PSD2: variants seen among roughly 807,000 people sequenced by gnomAD.
PSD2 encodes the protein PH and SEC7 domain-containing protein 2.
PSD2 carries 38 observed loss-of-function variants against 69.8 expected under a neutral mutation model. The ratio of observed to expected loss-of-function variants is 0.54; its 90% CI spans 0.42 to 0.71. PSD2 has a LOEUF of 0.71. PSD2 is among the 30% of genes least tolerant of loss of function. The pLI is 0.00. For synonymous variants in PSD2, 412 were observed against 423.0 expected (o/e 0.97, Z 0.32); for missense variants, 943 against 1,014.5 (o/e 0.93, Z 0.96).
chr5:139,786,443 G>T, the PSD2 span, among the ~76,000 whole-genome samples: 267 of 152,306 alleles, frequency 1.8e-3, 2 homozygotes, highest in African/African-American at 6.3e-3. Context: ...ATGAGTTAGG[G>T]TCAAGAAAAG....
At chr5:139,759,958 G>T in the PSD2 span, among the ~76,000 whole-genome samples, 1 of 152,214 alleles carries the variant, frequency 6.6e-6, no homozygotes, top group Non-Finnish European at 1.5e-5. Context: ...TCAGAGAAAG[G>T]CCAGGCCTTG....
At chr5:139,824,015 G>A (rs1760342784) in intron 7 of PSD2, among the ~76,000 whole-genome samples, 1 of 152,236 alleles carries the variant, frequency 6.6e-6, no homozygotes, top group African/African-American at 2.4e-5. Context: ...GAACAAGAGA[G>A]AAGACGCATT....
At chr5:139,765,875 C>T in the PSD2 span, among the ~76,000 whole-genome samples, 1 of 151,232 alleles carries the variant, frequency 6.6e-6, no homozygotes, top group Non-Finnish European at 1.5e-5. Flanking sequence ...GGCGCGCGCC[C>T]TCTGGTGGCT....
At chr5:139,810,450 T>G (rs1312985088) in intron 2 of PSD2, among the ~76,000 whole-genome samples, 1 of 152,202 alleles carries the variant, frequency 6.6e-6, no homozygotes, top group Non-Finnish European at 1.5e-5. Flanking sequence ...GAAGTCTTAG[T>G]GTGCATAGCT....
At chr5:139,769,904 G>T in the PSD2 span, among the ~76,000 whole-genome samples, 1 of 152,248 alleles carries the variant, frequency 6.6e-6, no homozygotes, top group Non-Finnish European at 1.5e-5. Context: ...ACCAGGGCCT[G>T]CTTACCTTAA....
upstream of PSD2, among the ~76,000 whole-genome samples, chr5:139,794,990 G>T (rs1019981281): frequency 1.3e-5 from 2 of 152,128 alleles, no homozygotes; most frequent in Non-Finnish European, 2.9e-5. Flanking sequence ...CGTGGGACAG[G>T]TGCCTTGGGA....
chr5:139,834,300 T>G (rs1470242226), intron 8 of PSD2, among the ~76,000 whole-genome samples: 1 of 152,134 alleles, frequency 6.6e-6, no homozygotes, highest in Non-Finnish European at 1.5e-5. Flanking sequence ...ATTTTTATAT[T>G]TTTGAGACAA....
chr5:139,812,975 C>A (rs1363114359), intron 2 of PSD2, among the ~76,000 whole-genome samples: 1 of 152,154 alleles, frequency 6.6e-6, no homozygotes, highest in Non-Finnish European at 1.5e-5. Context: ...GTGTTTCCAT[C>A]CAAGCAGGGC....
upstream of PSD2, among the ~76,000 whole-genome samples, chr5:139,792,610 G>C (rs933514003): frequency 2.0e-5 from 3 of 152,202 alleles, no homozygotes; most frequent in African/African-American, 7.2e-5. Flanking sequence ...GAGGAACAGG[G>C]AGAAGCTGCG....
rs943126850 is a variant in PSD2 at position 139,843,170 on chromosome 5, G to C, written c.*696G>C. Reference sequence around the variant, plus strand: ...CCCCTGAAAGATGGTTTTGGAACTGGAATCAGTTAGAGGATGAAATCAGAT... The same window carrying C: ...CCCCTGAAAGATGGTTTTGGAACTGCAATCAGTTAGAGGATGAAATCAGAT... On this transcript the variant is annotated 3_prime_UTR_variant, in exon 15 of 15. Coordinates refer to ENST00000274710, the MANE Select transcript of PSD2 (RefSeq NM_032289.4). The C allele has an allele frequency of 6.6e-6, 1 of 152,322 alleles. No homozygotes were observed. Among genetic ancestry groups the C allele is most frequent in the East Asian group, 1.9e-4 (1 of 5,208 alleles). 9.4% of individuals were successfully genotyped at this position (152,322 alleles called of 1,614,324 possible).
rs770608785 is a variant in PSD2, at chr5:139,809,397, A to T, written c.-44A>T. 1.1e-5 allele frequency: 18 copies of T among 1,589,688 alleles called. No homozygotes were observed. In the East Asian group the frequency reaches 4.0e-4, roughly 36 times the overall value. ...TCTCTCCACCCACTGCCAGGTCTAG[A>T]GGAGTCCCAGGAGCAGCCAGGACAG... is the stretch of plus-strand genomic sequence containing the variant. On this transcript the variant is annotated 5_prime_UTR_variant, in exon 2 of 15. Coordinates refer to ENST00000274710, the MANE Select transcript of PSD2 (RefSeq NM_032289.4).
At chr5:139,766,835 CTTTCTTTCTT>C in the PSD2 span, among the ~76,000 whole-genome samples, 103 of 138,216 alleles carry the variant, frequency 7.5e-4, 4 homozygotes, top group Non-Finnish European at 1.1e-3. Flanking sequence ...TTCCTTCTTT[CTTTCTTTCTT>C]TCTTTCTTTC....
At chr5:139,816,197 A>G (rs1045605921) in intron 4 of PSD2, among the ~76,000 whole-genome samples, 6 of 152,158 alleles carry the variant, frequency 3.9e-5, no homozygotes, top group Non-Finnish European at 8.8e-5. Flanking sequence ...ATTTATAAAT[A>G]CTTTAGTATG....
chr5:139,768,738 A>C, the PSD2 span, among the ~76,000 whole-genome samples: 82 of 151,156 alleles, frequency 5.4e-4, no homozygotes, highest in African/African-American at 1.9e-3. Flanking sequence ...AAAAAAAAAA[A>C]CAACACCTCC....
At chr5:139,781,957 G>GCA in the PSD2 span, among the ~76,000 whole-genome samples, 7 of 151,676 alleles carry the variant, frequency 4.6e-5, no homozygotes, top group Non-Finnish European at 1.0e-4. Flanking sequence ...CTCTGAAATC[G>GCA]CACACACACA....
chr5:139,803,326 A>G (rs1030697601), intron 1 of PSD2, among the ~76,000 whole-genome samples: 5 of 152,212 alleles, frequency 3.3e-5, no homozygotes, highest in Non-Finnish European at 7.4e-5. Context: ...CGCATATCCA[A>G]TGGGTGCTGG....
chr5:139,840,512 T>C (rs1760847928), intron 14 of PSD2, among the ~76,000 whole-genome samples: 1 of 152,164 alleles, frequency 6.6e-6, no homozygotes, highest in African/African-American at 2.4e-5. Context: ...GTTTTAATCT[T>C]CACTAACCTG....
the PSD2 span, among the ~76,000 whole-genome samples, chr5:139,783,356 C>A: frequency 4.6e-5 from 7 of 152,284 alleles, no homozygotes; most frequent in East Asian, 1.3e-3. Context: ...GCAGAAGGAT[C>A]GCTTGAGCCC....
At chr5:139,809,357 C>T in intron 1 of PSD2, 34 bp from the exon 2 acceptor site, 1 of 1,501,978 alleles carries the variant, frequency 6.7e-7, no homozygotes, top group Non-Finnish European at 8.9e-7. Flanking sequence ...CCAGTCCTGT[C>T]TGACCAGTTC....
Sources: gnomAD v4.1 joint callset for allele counts (sites outside exome capture counted in the v4.1 genomes callset) on GRCh38, gnomAD v4.1.1 for gene constraint, MANE v1.5 for transcripts, NCBI Gene and HGNC (gene_info 2026-07-23, HGNC 2026-07-21) for gene names.